WASF1: variants seen among roughly 807,000 people sequenced by gnomAD.
The protein encoded by WASF1 is WASP family member 1, also known as actin-binding protein WASF1.
In WASF1, 7 loss-of-function variants were observed where a neutral mutation model predicts 50.5. The ratio of observed to expected loss-of-function variants is 0.14; its 90% CI spans 0.08 to 0.26. The LOEUF (loss-of-function observed/expected upper bound fraction) is 0.26. WASF1 is among the 10% of genes least tolerant of loss of function. The pLI, the probability that WASF1 is intolerant of heterozygous loss-of-function variation, is 1.00. For synonymous variants in WASF1, 205 were observed against 244.0 expected (o/e 0.84, Z 1.49); for missense variants, 470 against 694.7 (o/e 0.68, Z 3.64).
At chr6:110,108,807 A>G (rs1773435061) in intron 5 of WASF1, 126 bp from the exon 6 acceptor site, 1 of 774,324 alleles carries the variant, frequency 1.3e-6, no homozygotes, top group Admixed American at 2.9e-5. Context: ...TTAGTGGCTT[A>G]TGAATCAGAA....
At chr6:110,106,055 C>T (rs957481872) in intron 7 of WASF1, among the ~76,000 whole-genome samples, 2 of 152,210 alleles carry the variant, frequency 1.3e-5, no homozygotes, top group African/African-American at 4.8e-5. Flanking sequence ...ATAACTATAT[C>T]ACTCAACAGA....
At chr6:110,161,628 C>A (rs546035996) in intron 2 of WASF1, among the ~76,000 whole-genome samples, 2 of 151,606 alleles carry the variant, frequency 1.3e-5, no homozygotes, top group Non-Finnish European at 3.0e-5. Context: ...ATGTTGCTTT[C>A]TATAGCTTTT....
At chr6:110,179,035 G>T (rs1007336664) in intron 1 of WASF1, among the ~76,000 whole-genome samples, 2 of 152,252 alleles carry the variant, frequency 1.3e-5, no homozygotes, top group East Asian at 1.9e-4. Context: ...CCTCGCGCAC[G>T]TAGGGCGAGC....
At chr6:110,139,260 C>A (rs1562177735) in intron 3 of WASF1, among the ~76,000 whole-genome samples, 1 of 152,226 alleles carries the variant, frequency 6.6e-6, no homozygotes, top group Non-Finnish European at 1.5e-5. Flanking sequence ...AGAGATTTCC[C>A]AGGCCCCCAA....
At chr6:110,143,518 A>G (rs953846855) in intron 3 of WASF1, among the ~76,000 whole-genome samples, 7 of 152,118 alleles carry the variant, frequency 4.6e-5, no homozygotes, top group Admixed American at 4.6e-4. Context: ...AAATCAGAAA[A>G]GTACACTATC....
chr6:110,133,728 AT>A (rs138543351), intron 3 of WASF1, among the ~76,000 whole-genome samples: 32 of 150,172 alleles, frequency 2.1e-4, no homozygotes, highest in Admixed American at 1.5e-3. Flanking sequence ...TTCTGATGGG[AT>A]TTTTTTTTCT....
intron 2 of WASF1, among the ~76,000 whole-genome samples, chr6:110,176,272 C>T (rs1776924657): frequency 6.6e-6 from 1 of 151,984 alleles, no homozygotes; most frequent in Admixed American, 6.6e-5. Context: ...TTTTTTATTA[C>T]TATTTCACTA....
intron 2 of WASF1, among the ~76,000 whole-genome samples, chr6:110,176,180 T>C (rs956392056): frequency 1.3e-5 from 2 of 152,076 alleles, no homozygotes; most frequent in Non-Finnish European, 2.9e-5. Flanking sequence ...CTTAATTTTA[T>C]AAAAAGTTCC....
chr6:110,126,400 C>G (rs945745042), intron 4 of WASF1, among the ~76,000 whole-genome samples: 13 of 152,014 alleles, frequency 8.6e-5, no homozygotes, highest in African/African-American at 3.1e-4. Flanking sequence ...ATTTCACAGG[C>G]AATGCAAAAA....
chr6:110,143,912 G>A (rs561235781), intron 3 of WASF1, among the ~76,000 whole-genome samples: 48 of 152,224 alleles, frequency 3.2e-4, no homozygotes, highest in African/African-American at 4.6e-4. Flanking sequence ...GAATAGTGCC[G>A]CGATAAACAT....
At chr6:110,171,925 T>A (rs1221755272) in intron 2 of WASF1, among the ~76,000 whole-genome samples, 3 of 152,056 alleles carry the variant, frequency 2.0e-5, no homozygotes, top group Non-Finnish European at 2.9e-5. Context: ...AACAGACACA[T>A]GAAAAAATGC....
chr6:110,128,704 C>T (rs571232088), intron 3 of WASF1, among the ~76,000 whole-genome samples: 1 of 152,346 alleles, frequency 6.6e-6, no homozygotes, highest in Non-Finnish European at 1.5e-5. Context: ...TTCTAGTACT[C>T]TAGTCCAGGA....
intron 3 of WASF1, among the ~76,000 whole-genome samples, chr6:110,159,751 A>T (rs1042204607): frequency 2.6e-5 from 4 of 151,900 alleles, no homozygotes; most frequent in African/African-American, 9.7e-5. Context: ...TTTATGTTTC[A>T]TATATACCTT....
intron 2 of WASF1, among the ~76,000 whole-genome samples, chr6:110,177,807 A>C (rs571685670): frequency 2.0e-5 from 3 of 152,290 alleles, no homozygotes; most frequent in Admixed American, 2.0e-4. Flanking sequence ...CAACAAGCTT[A>C]AACAAGGAAA....
chr6:110,140,814 A>C (rs181213797), intron 3 of WASF1, among the ~76,000 whole-genome samples: 7 of 152,286 alleles, frequency 4.6e-5, no homozygotes, highest in Non-Finnish European at 8.8e-5. Flanking sequence ...AGATGAAATG[A>C]GGTGAATGAC....
At chr6:110,172,812 G>A (rs977745528) in intron 2 of WASF1, among the ~76,000 whole-genome samples, 5 of 152,062 alleles carry the variant, frequency 3.3e-5, no homozygotes. Context: ...GGTGAGGGGT[G>A]AGAAATTACT....
At chr6:110,131,445 A>T (rs980981086) in intron 3 of WASF1, among the ~76,000 whole-genome samples, 1 of 152,134 alleles carries the variant, frequency 6.6e-6, no homozygotes, top group African/African-American at 2.4e-5. Flanking sequence ...ATGTATTTTT[A>T]AATCAGATTT....
chr6:110,167,938 A>G (rs151089108), intron 2 of WASF1, among the ~76,000 whole-genome samples: 1 of 152,128 alleles, frequency 6.6e-6, no homozygotes, highest in Non-Finnish European at 1.5e-5. Flanking sequence ...AAACATTTAC[A>G]TACCACACTG....
chr6:110,123,949 T>G (rs1164760623), intron 4 of WASF1, among the ~76,000 whole-genome samples: 2 of 152,012 alleles, frequency 1.3e-5, no homozygotes, highest in African/African-American at 4.8e-5. Context: ...TCCCAGTGGT[T>G]GTTAATGAAA....
Sources: allele counts gnomAD v4.1 joint callset (sites outside exome capture counted in the v4.1 genomes callset), GRCh38; gene constraint gnomAD v4.1.1; transcripts MANE v1.5; gene names NCBI Gene and HGNC (gene_info 2026-07-23, HGNC 2026-07-21).